The following CDH17 variants were observed in gnomAD, a reference collection of about 807,000 sequenced individuals.
The protein encoded by CDH17 is cadherin-17.
CDH17 carries 67 observed loss-of-function variants against 86.3 expected under a neutral mutation model. The ratio of observed to expected loss-of-function variants is 0.78; its 90% CI spans 0.64 to 0.95. CDH17 has a LOEUF of 0.95. CDH17 is among the 40% of genes least tolerant of loss of function. The pLI is 0.00. For synonymous variants in CDH17, 367 were observed against 366.4 expected (o/e 1.00, Z -0.02); for missense variants, 993 against 1,017.6 (o/e 0.98, Z 0.33).
intron 15 of CDH17, among the ~76,000 whole-genome samples, chr8:94,135,806 C>T (rs1812512124): frequency 6.6e-6 from 1 of 152,126 alleles, no homozygotes; most frequent in African/African-American, 2.4e-5. Context: ...TGTTCCTTTC[C>T]ATGTTTAGTG....
chr8:94,186,330 T>A (rs1813579843), intron 3 of CDH17, among the ~76,000 whole-genome samples: 4 of 152,224 alleles, frequency 2.6e-5, no homozygotes, highest in Admixed American at 2.6e-4. Flanking sequence ...TCCTTCTTTC[T>A]GTTCCCTCAT....
chr8:94,186,383 C>T (rs1372075354), intron 3 of CDH17, among the ~76,000 whole-genome samples: 3 of 152,152 alleles, frequency 2.0e-5, no homozygotes, highest in African/African-American at 7.2e-5. Flanking sequence ...AAGTTTATCG[C>T]TCATAGTTCT....
At chr8:94,160,963 C>T (rs1393562384) in intron 11 of CDH17, among the ~76,000 whole-genome samples, 4 of 152,158 alleles carry the variant, frequency 2.6e-5, no homozygotes, top group African/African-American at 9.7e-5. Flanking sequence ...CTGGCCTAGA[C>T]CATCTCCCAC....
At position 94,145,970 on chromosome 8, in the gene CDH17, T is replaced by G. The variant is rs775181900; in HGVS notation, c.2125A>C (p.Ser709Arg). 1.9e-6 allele frequency: 3 copies of G among 1,613,534 alleles called. No individual in the cohort carries two copies. In the African/African-American group the frequency reaches 4.0e-5, roughly 22 times the overall value. ...TCCCAGTCGTTTTGTAAGCTTCCAC[T>G]GCCGAGGGAAAATGTAAAATGGGGA... ...RGPHFTFSLG[S>R]GSLQNDWEVS... Residue 709 changes from serine to arginine, a missense_variant, in exon 15 of 18, where the codon AGT (serine) becomes CGT (arginine). Coordinates refer to ENST00000027335, the MANE Select transcript of CDH17 (RefSeq NM_004063.4).
At chr8:94,203,299 C>T (rs1039879923) in intron 1 of CDH17, among the ~76,000 whole-genome samples, 1 of 152,170 alleles carries the variant, frequency 6.6e-6, no homozygotes, top group African/African-American at 2.4e-5. Flanking sequence ...TAAGGCTGAG[C>T]CATGAAGCTT....
Position 94,148,736 on chromosome 8 carries a change from T to C in CDH17, c.1927+8A>G. 1 of 1,457,642 alleles carries C rather than the reference T, an allele frequency of 6.9e-7. No individual in the cohort carries two copies. Among genetic ancestry groups the C allele is most frequent in the African/African-American group, 1.5e-5 (1 of 67,498 alleles). 90.3% of individuals were successfully genotyped at this position (1,457,642 alleles called of 1,614,324 possible). On this transcript the variant is annotated splice_region_variant and intron_variant, in intron 14 of 17. Coordinates refer to ENST00000027335, the MANE Select transcript of CDH17 (RefSeq NM_004063.4). Reference sequence around the variant, plus strand: ...CTTTTTTTTTGTTTTTTTTTTTTTTTTGCTTACCTACTTCTGTGGCCACCA... The same window carrying C: ...CTTTTTTTTTGTTTTTTTTTTTTTTCTGCTTACCTACTTCTGTGGCCACCA...
At chr8:94,159,533 C>T (rs1364402564) in intron 12 of CDH17, among the ~76,000 whole-genome samples, 4 of 152,194 alleles carry the variant, frequency 2.6e-5, no homozygotes, top group African/African-American at 9.6e-5. Context: ...GAAGTGAAAG[C>T]GAGACCCTGA....
Position 94,162,176 on chromosome 8 carries a change from T to C in CDH17, c.1283-14A>G. ...GGGTCTTGAAATCTGAAAACCAAAGTCATATGTCATAGAAATTTTCACTGA... is the reference window on the plus strand; with the variant it reads ...GGGTCTTGAAATCTGAAAACCAAAGCCATATGTCATAGAAATTTTCACTGA... On this transcript the variant is annotated splice_polypyrimidine_tract_variant and intron_variant, in intron 10 of 17. Coordinates refer to ENST00000027335, the MANE Select transcript of CDH17 (RefSeq NM_004063.4). The C allele has an allele frequency of 6.6e-7, 1 of 1,526,542 alleles. No homozygotes were observed. The highest frequency in any genetic ancestry group is 9.1e-7 in the Non-Finnish European group (1 of 1,104,452). 94.6% of individuals were successfully genotyped at this position (1,526,542 alleles called of 1,614,324 possible). A position where few individuals can be genotyped will look rare whatever the true frequency, so the allele number is the denominator to read the frequency against.
chr8:94,144,762 T>C (rs1352731748), intron 15 of CDH17, among the ~76,000 whole-genome samples: 2 of 152,090 alleles, frequency 1.3e-5, no homozygotes, highest in African/African-American at 4.8e-5. Flanking sequence ...ACAAAAGATA[T>C]ATATCTAACA....
intron 10 of CDH17, 56 bp downstream of exon 10, chr8:94,165,705 T>C: frequency 1.7e-6 from 2 of 1,171,506 alleles, no homozygotes; most frequent in South Asian, 1.2e-5. Flanking sequence ...GGAAAATAAC[T>C]CATAGCTAGA....
chr8:94,164,190 G>T (rs1002936030), intron 10 of CDH17, among the ~76,000 whole-genome samples: 1 of 152,086 alleles, frequency 6.6e-6, no homozygotes, highest in Non-Finnish European at 1.5e-5. Flanking sequence ...ACATGATTTT[G>T]TAACTTGTCA....
At position 94,161,787 on chromosome 8, in the gene CDH17, C is replaced by T. The variant is rs185819157; in HGVS notation, c.1359+299G>A. 3.3e-5 allele frequency among the ~76,000 whole-genome samples: 5 copies of T among 152,176 alleles called. No homozygotes were observed. In the South Asian group the frequency reaches 6.2e-4, roughly 19 times the overall value. On this transcript the variant is annotated intron_variant, in intron 11 of 17. Coordinates refer to ENST00000027335, the MANE Select transcript of CDH17 (RefSeq NM_004063.4). ...AAATATATAATGACAAACTGTAAGC[C>T]GCCATTCACCTTTTTTCAATTTGAC...
intron 1 of CDH17, among the ~76,000 whole-genome samples, chr8:94,198,505 C>T (rs1461516047): frequency 6.6e-6 from 1 of 152,158 alleles, no homozygotes; most frequent in Non-Finnish European, 1.5e-5. Flanking sequence ...GCAAAATGTA[C>T]ACGGTCAGCT....
At chr8:94,132,167 G>T (rs149814647) in intron 15 of CDH17, among the ~76,000 whole-genome samples, 1 of 152,120 alleles carries the variant, frequency 6.6e-6, no homozygotes. Context: ...TAGTAGCATG[G>T]TTTATAATCC....
chr8:94,159,005 C>T lies in CDH17; in HGVS notation c.1551+966G>A, dbSNP rs371249216. On this transcript the variant is annotated intron_variant, in intron 12 of 17. Coordinates refer to ENST00000027335, the MANE Select transcript of CDH17 (RefSeq NM_004063.4). ...TGCAAACCTTAAACAATTAGCCACCCTTGCAGATTCTCTCTGGCCCTTTTT... is the reference window on the plus strand; with the variant it reads ...TGCAAACCTTAAACAATTAGCCACCTTTGCAGATTCTCTCTGGCCCTTTTT... Among the ~76,000 whole-genome samples the T allele has an allele frequency of 3.3e-5, 5 of 152,318 alleles. No homozygotes were observed. In the East Asian group the frequency reaches 9.6e-4, roughly 29 times the overall value.
intron 14 of CDH17, among the ~76,000 whole-genome samples, chr8:94,146,666 G>C (rs896672322): frequency 1.3e-5 from 2 of 152,254 alleles, no homozygotes; most frequent in African/African-American, 4.8e-5. Context: ...AGCATAACTG[G>C]TTGGTAGCTA....
At chr8:94,169,945 T>C (rs1044995904) in intron 9 of CDH17, among the ~76,000 whole-genome samples, 12 of 152,146 alleles carry the variant, frequency 7.9e-5, no homozygotes, top group African/African-American at 2.9e-4. Flanking sequence ...TCAACTTCCA[T>C]TGGTGTTGCT....
At chr8:94,134,059 G>A (rs988414445) in intron 15 of CDH17, among the ~76,000 whole-genome samples, 2 of 152,174 alleles carry the variant, frequency 1.3e-5, no homozygotes, top group Non-Finnish European at 2.9e-5. Flanking sequence ...CAGTTTGCCA[G>A]TATTTTACTG....
At position 94,170,991 on chromosome 8, in the gene CDH17, G is replaced by A. The variant is rs1294570304; in HGVS notation, c.784-6C>T. ...CCGGGATCATTCCACCGCACCTACAGGGCCCAAAGTCAGTTGTGAGGAAAG... is the reference window on the plus strand; with the variant it reads ...CCGGGATCATTCCACCGCACCTACAAGGCCCAAAGTCAGTTGTGAGGAAAG... On this transcript the variant is annotated splice_polypyrimidine_tract_variant and splice_region_variant and intron_variant, in intron 7 of 17. Coordinates refer to ENST00000027335, the MANE Select transcript of CDH17 (RefSeq NM_004063.4). The A allele has an allele frequency of 3.1e-6, 5 of 1,612,946 alleles. No individual in the cohort carries two copies. Among genetic ancestry groups the A allele is most frequent in the Non-Finnish European group, 4.2e-6 (5 of 1,179,544 alleles).
Sources: allele counts gnomAD v4.1 joint callset (sites outside exome capture counted in the v4.1 genomes callset), GRCh38; gene constraint gnomAD v4.1.1; transcripts MANE v1.5; gene names NCBI Gene and HGNC (gene_info 2026-07-23, HGNC 2026-07-21).